Variants in PRKN observed in about 807,000 individuals in gnomAD.
The protein encoded by PRKN is E3 ubiquitin-protein ligase parkin.
Under a neutral mutation model 59.5 loss-of-function variants are expected in PRKN, and 56 were observed. The ratio of observed to expected loss-of-function variants is 0.94; its 90% CI spans 0.76 to 1.18. PRKN has a LOEUF of 1.18. Ranked by LOEUF, PRKN falls within the 50% of genes most tolerant of loss-of-function variation. The pLI is 0.00. For synonymous variants in PRKN, 250 were observed against 222.1 expected (o/e 1.13, Z -1.12); for missense variants, 657 against 596.4 (o/e 1.10, Z -1.06).
At position 162,021,131 on chromosome 6, in the gene PRKN, T is replaced by C. The variant is rs1406415165; in HGVS notation, c.618+32960A>G. On this transcript the variant is annotated intron_variant, in intron 5 of 11. Transcript: ENST00000366898. Reference sequence around the variant, plus strand: ...AAAAAAACAAAAACATATATATATATATATATATATATATATATATATATA... The same window carrying C: ...AAAAAAACAAAAACATATATATATACATATATATATATATATATATATATA... Among the ~76,000 whole-genome samples the C allele has an allele frequency of 1.2e-3, 5 of 4,290 alleles. No homozygotes were observed. In the African/African-American group the frequency reaches 0.018, roughly 16 times the overall value. 2.8% of individuals were successfully genotyped at this position (4,290 alleles called of 152,430 possible).
rs1051573612 is a variant in PRKN, at chr6:161,890,393, A to C, written c.734+82909T>G. Among the ~76,000 whole-genome samples, 14 of 152,312 alleles carry C rather than the reference A, an allele frequency of 9.2e-5. 1 individual carries two copies. The highest frequency in any genetic ancestry group is 3.4e-3 in the Middle Eastern group (1 of 294). ...CTGGTCTTGGCATCGCATCACACTC[A>C]GTAAATGACACAGAGCTTCCCAAGA... On this transcript the variant is annotated intron_variant, in intron 6 of 11. Coordinates refer to ENST00000366898, the MANE Select transcript of PRKN (RefSeq NM_004562.3).
In PRKN at chr6:161,399,226, A is replaced by G. The variant is rs915547165; in HGVS notation, c.1084-12349T>C. ...CACTGAGAGCCACATCCACCACTCA[A>G]TAAAACCCTGCAGTCACCATCCTTC... On this transcript the variant is annotated intron_variant, in intron 9 of 11. Transcript: ENST00000366898. This position sits in a 1 kb window ranked among gnomAD's most constrained non-coding sequence, Gnocchi z 4.4. Among the ~76,000 whole-genome samples the G allele has an allele frequency of 1.3e-5, 2 of 152,118 alleles. No homozygotes were observed. The highest frequency in any genetic ancestry group is 2.4e-5 in the African/African-American group (1 of 41,400).
At chr6:161,714,148 T>A (rs1405880220) in intron 7 of PRKN, among the ~76,000 whole-genome samples, 1 of 152,140 alleles carries the variant, frequency 6.6e-6, no homozygotes, top group African/African-American at 2.4e-5. Flanking sequence ...TACACTGTAA[T>A]TCAATATTAG....
chr6:161,854,331 T>C (rs1267002984), intron 6 of PRKN, among the ~76,000 whole-genome samples: 1 of 151,570 alleles, frequency 6.6e-6, no homozygotes. Flanking sequence ...ATATTAAAAA[T>C]AAAAAATAAC....
intron 3 of PRKN, among the ~76,000 whole-genome samples, chr6:162,231,766 T>C (rs1235024291): frequency 6.6e-6 from 1 of 152,200 alleles, no homozygotes; most frequent in South Asian, 2.1e-4. Context: ...TCAGGAAGCC[T>C]AATTTAACCA....
At chr6:162,251,408 G>A (rs1315546727) in intron 3 of PRKN, among the ~76,000 whole-genome samples, 1 of 152,092 alleles carries the variant, frequency 6.6e-6, no homozygotes, top group Non-Finnish European at 1.5e-5. Flanking sequence ...GGGAGCCCAG[G>A]TTATGTAAAA....
At chr6:161,655,859 C>T (rs1239946705) in intron 7 of PRKN, among the ~76,000 whole-genome samples, 1 of 128,866 alleles carries the variant, frequency 7.8e-6, no homozygotes, top group Non-Finnish European at 1.6e-5. Flanking sequence ...GGCATATCAA[C>T]ACACATGCAC....
intron 7 of PRKN, among the ~76,000 whole-genome samples, chr6:161,675,322 G>A (rs1002440149): frequency 1.3e-5 from 2 of 152,110 alleles, no homozygotes; most frequent in African/African-American, 4.8e-5. Flanking sequence ...GTCACATAAG[G>A]TATCATGTCT....
chr6:162,225,340 G>A (rs1002377806), intron 3 of PRKN, among the ~76,000 whole-genome samples: 5 of 152,070 alleles, frequency 3.3e-5, no homozygotes, highest in Admixed American at 2.6e-4. Context: ...ACCTACATTG[G>A]TGACCAAGAC....
chr6:161,836,458 T>A (rs1039573515), intron 6 of PRKN, among the ~76,000 whole-genome samples: 4 of 152,160 alleles, frequency 2.6e-5, no homozygotes, highest in African/African-American at 9.7e-5. Flanking sequence ...TGCAATCAAT[T>A]TTCAATTTTA....
At chr6:162,449,209 G>T (rs1022399617) in intron 1 of PRKN, among the ~76,000 whole-genome samples, 1 of 150,020 alleles carries the variant, frequency 6.7e-6, no homozygotes, top group Non-Finnish European at 1.5e-5. Context: ...TCAGATAATT[G>T]CATCTACTAG....
intron 5 of PRKN, among the ~76,000 whole-genome samples, chr6:161,984,968 G>A (rs968645490): frequency 1.3e-5 from 2 of 152,090 alleles, no homozygotes; most frequent in Admixed American, 6.6e-5. Flanking sequence ...AAACTGGATC[G>A]GGATTACACA....
chr6:162,427,393 CA>C (rs1789288285), intron 2 of PRKN, among the ~76,000 whole-genome samples: 1 of 151,948 alleles, frequency 6.6e-6, no homozygotes, highest in Admixed American at 6.6e-5. Context: ...ATTTGTGAAG[CA>C]AAAAAATTAG....
In PRKN at chr6:161,407,108, C is replaced by G. The variant is rs1787311130; in HGVS notation, c.1084-20231G>C. Among the ~76,000 whole-genome samples, 2 of 152,072 alleles carry G rather than the reference C, an allele frequency of 1.3e-5. No individual in the cohort carries two copies. The highest frequency in any genetic ancestry group is 4.8e-5 in the African/African-American group (2 of 41,382). ...CATAAAAGCCTCTATAATGAGTATG[C>G]TATATTTGTCATTAAAATGTCTTTA... On this transcript the variant is annotated intron_variant, in intron 9 of 11. Transcript: ENST00000366898. This position sits in a 1 kb window ranked among gnomAD's most constrained non-coding sequence, Gnocchi z 4.9.
chr6:161,969,726 GA>G, intron 6 of PRKN, among the ~76,000 whole-genome samples: 1 of 152,216 alleles, frequency 6.6e-6, no homozygotes, highest in East Asian at 1.9e-4. Context: ...TATATTTACA[GA>G]TAAATTAATA....
At chr6:162,483,459 GGAAGCTGA>G (rs1792394370) in intron 1 of PRKN, among the ~76,000 whole-genome samples, 1 of 151,974 alleles carries the variant, frequency 6.6e-6, no homozygotes, top group Non-Finnish European at 1.5e-5. Flanking sequence ...GGGAGGTGTA[GGAAGCTGA>G]GAAGCATCAG....
In PRKN at chr6:161,397,826, T is replaced by C. The variant is rs909333844; in HGVS notation, c.1084-10949A>G. The stretch of plus-strand genomic sequence containing the variant: ...TACAAGAGGAATAACTAAGACTTTC[T>C]GCCAGGGAAAGTACTTTAGTGACCT... On this transcript the variant is annotated intron_variant, in intron 9 of 11. Transcript: ENST00000366898. The surrounding 1 kb of genome is among the most constrained non-coding windows in gnomAD (Gnocchi z 4.2). Among the ~76,000 whole-genome samples, 4 of 152,146 alleles carry C rather than the reference T, an allele frequency of 2.6e-5. No individual in the cohort carries two copies. The highest frequency in any genetic ancestry group is 5.9e-5 in the Non-Finnish European group (4 of 68,032).
intron 6 of PRKN, among the ~76,000 whole-genome samples, chr6:161,863,166 C>A (rs1410544977): frequency 6.6e-6 from 1 of 152,000 alleles, no homozygotes; most frequent in African/African-American, 2.4e-5. Flanking sequence ...CTCTATAATG[C>A]ATTTATCACT....
At chr6:161,886,248 A>G (rs1290413233) in intron 6 of PRKN, among the ~76,000 whole-genome samples, 1 of 152,222 alleles carries the variant, frequency 6.6e-6, no homozygotes, top group Non-Finnish European at 1.5e-5. Flanking sequence ...ATTCGACGAA[A>G]TACAGATTTA....
Sources: gnomAD v4.1 joint callset for allele counts (sites outside exome capture counted in the v4.1 genomes callset) on GRCh38, gnomAD v4.1.1 for gene constraint, Gnocchi (gnomAD v3.1) non-coding constraint, MANE v1.5 for transcripts, NCBI Gene and HGNC (gene_info 2026-07-23, HGNC 2026-07-21) for gene names.